DENND1A: variants seen among roughly 807,000 people sequenced by gnomAD.
DENND1A encodes DENN domain-containing protein 1A.
Under a neutral mutation model 113.7 loss-of-function variants are expected in DENND1A, and 51 were observed. The ratio of observed to expected loss-of-function variants is 0.45; its 90% CI spans 0.36 to 0.57. DENND1A has a LOEUF of 0.57. DENND1A is among the 20% of genes least tolerant of loss of function. The probability of loss-of-function intolerance (pLI) is 0.00; values close to 1 mark genes in which losing one functional copy is unlikely to be tolerated. For missense variants in DENND1A, 1,258 were observed against 1,395.9 expected (o/e 0.90, Z 1.57); for synonymous variants, 565 against 570.8 (o/e 0.99, Z 0.14).
intron 5 of DENND1A, among the ~76,000 whole-genome samples, chr9:123,744,770 C>CTTT (rs57945475): frequency 0.02 from 2,029 of 102,636 alleles, 120 homozygotes; most frequent in African/African-American, 0.07. Flanking sequence ...TATATTAGCT[C>CTTT]TTTTTTTTTT....
chr9:123,867,928 T>C (rs889605155), intron 2 of DENND1A, among the ~76,000 whole-genome samples: 20 of 152,216 alleles, frequency 1.3e-4, no homozygotes, highest in Non-Finnish European at 2.1e-4. Flanking sequence ...TAACCATCTT[T>C]GCCACTTTAT....
chr9:123,385,385 G>A (rs866189492), intron 22 of DENND1A, among the ~76,000 whole-genome samples: 1 of 152,098 alleles, frequency 6.6e-6, no homozygotes, highest in Non-Finnish European at 1.5e-5. Flanking sequence ...GGCTGGTCTC[G>A]AACTCCTGAC....
At chr9:123,633,874 A>C (rs1181618002) in intron 9 of DENND1A, among the ~76,000 whole-genome samples, 4 of 152,342 alleles carry the variant, frequency 2.6e-5, no homozygotes, top group Non-Finnish European at 5.9e-5. Flanking sequence ...TCATTCATCC[A>C]TTCGCCCATT....
chr9:123,456,553 G>A (rs1324165811), intron 15 of DENND1A, among the ~76,000 whole-genome samples: 1 of 152,214 alleles, frequency 6.6e-6, no homozygotes, highest in Non-Finnish European at 1.5e-5. Flanking sequence ...TCACACACCT[G>A]TAATCCCAGC....
intron 5 of DENND1A, among the ~76,000 whole-genome samples, chr9:123,690,827 T>C (rs1039940017): frequency 6.6e-6 from 1 of 152,218 alleles, no homozygotes; most frequent in Non-Finnish European, 1.5e-5. Flanking sequence ...TGAGTGAGCT[T>C]AGTAACTGTG....
At chr9:123,613,296 G>A (rs2060498959) in intron 10 of DENND1A, among the ~76,000 whole-genome samples, 2 of 151,704 alleles carry the variant, frequency 1.3e-5, no homozygotes. Context: ...TCACTCTTGA[G>A]CATACATTAA....
At chr9:123,809,483 T>C (rs1488632619) in intron 2 of DENND1A, among the ~76,000 whole-genome samples, 1 of 151,948 alleles carries the variant, frequency 6.6e-6, no homozygotes, top group Non-Finnish European at 1.5e-5. Flanking sequence ...AGACAACTCA[T>C]TGCTTTGGTA....
intron 13 of DENND1A, among the ~76,000 whole-genome samples, chr9:123,498,907 G>C (rs1435489626): frequency 6.6e-6 from 1 of 151,852 alleles, no homozygotes; most frequent in Non-Finnish European, 1.5e-5. Flanking sequence ...ATTTTTAGTA[G>C]AGACAGGGTT....
At chr9:123,909,788 A>T (rs981075800) in intron 1 of DENND1A, among the ~76,000 whole-genome samples, 11 of 152,130 alleles carry the variant, frequency 7.2e-5, no homozygotes, top group African/African-American at 1.4e-4. Context: ...CATATAAAAT[A>T]AAAAAAACCT....
At chr9:123,580,509 G>C (rs546097995) in intron 12 of DENND1A, among the ~76,000 whole-genome samples, 1 of 152,320 alleles carries the variant, frequency 6.6e-6, no homozygotes, top group East Asian at 1.9e-4. Flanking sequence ...GTGCAGGTGG[G>C]ACCAGTCAGT....
At chr9:123,711,494 T>C (rs1014992284) in intron 5 of DENND1A, among the ~76,000 whole-genome samples, 1 of 93,502 alleles carries the variant, frequency 1.1e-5, no homozygotes, top group Non-Finnish European at 2.0e-5. Flanking sequence ...AAAATATATA[T>C]ATATATATAT....
intron 6 of DENND1A, among the ~76,000 whole-genome samples, chr9:123,674,925 A>G (rs1216281117): frequency 6.6e-6 from 1 of 151,032 alleles, no homozygotes; most frequent in Non-Finnish European, 1.5e-5. Flanking sequence ...GAGCCTACAT[A>G]TTATACAATT....
At chr9:123,478,558 T>C (rs2050096146) in intron 13 of DENND1A, among the ~76,000 whole-genome samples, 1 of 152,234 alleles carries the variant, frequency 6.6e-6, no homozygotes, top group Non-Finnish European at 1.5e-5. Flanking sequence ...GTTCAAACAG[T>C]ATTTACTCTA....
chr9:123,607,872 G>A (rs2137653245), intron 11 of DENND1A, among the ~76,000 whole-genome samples: 1 of 152,124 alleles, frequency 6.6e-6, no homozygotes, highest in East Asian at 2.0e-4. Flanking sequence ...AGTCTGGAAG[G>A]CAGGAGGAGA....
chr9:123,837,203 C>T (rs2132887123), intron 2 of DENND1A, among the ~76,000 whole-genome samples: 1 of 152,250 alleles, frequency 6.6e-6, no homozygotes, highest in Admixed American at 6.5e-5. Context: ...TGCTGCTTTC[C>T]TATGTTCCTA....
At chr9:123,595,579 A>G (rs1309021914) in intron 11 of DENND1A, among the ~76,000 whole-genome samples, 2 of 152,076 alleles carry the variant, frequency 1.3e-5, no homozygotes, top group African/African-American at 4.8e-5. Context: ...TCTCCCCGAC[A>G]TGGTCCTGGG....
At chr9:123,657,251 C>A (rs1467258114) in intron 8 of DENND1A, among the ~76,000 whole-genome samples, 1 of 152,168 alleles carries the variant, frequency 6.6e-6, no homozygotes, top group Non-Finnish European at 1.5e-5. Context: ...GGAATGGCAC[C>A]TGGCAAAACC....
chr9:123,739,661 A>C (rs2068834681), intron 5 of DENND1A, among the ~76,000 whole-genome samples: 1 of 152,144 alleles, frequency 6.6e-6, no homozygotes, highest in Non-Finnish European at 1.5e-5. Context: ...TGTGTGAAAG[A>C]CACTCCCAGC....
At chr9:123,612,133 T>C (rs953879686) in intron 10 of DENND1A, among the ~76,000 whole-genome samples, 10 of 152,226 alleles carry the variant, frequency 6.6e-5, no homozygotes, top group African/African-American at 2.4e-4. Context: ...TTTTACATTG[T>C]CATCATTTAC....
Sources: allele counts gnomAD v4.1 joint callset (sites outside exome capture counted in the v4.1 genomes callset), GRCh38; gene constraint gnomAD v4.1.1; transcripts MANE v1.5; gene names NCBI Gene and HGNC (gene_info 2026-07-23, HGNC 2026-07-21).